MANBA: variants seen among roughly 807,000 people sequenced by gnomAD.
MANBA encodes beta-mannosidase.
A neutral mutation model predicts 111.1 loss-of-function variants in MANBA; 83 were observed. The observed-to-expected ratio is 0.75, with a 90% CI of 0.63 to 0.90. MANBA has a LOEUF of 0.90. Among genes scored for constraint, MANBA ranks in the 40% least tolerant of loss-of-function variants. The pLI is 0.00. For missense variants in MANBA, 1,036 were observed against 1,069.0 expected, an observed-to-expected ratio of 0.97 and a Z score of 0.43; for synonymous variants, 370 against 378.7, an observed-to-expected ratio of 0.98 and a Z score of 0.27.
chr4:102,760,404 T>TG (rs1465910718), intron 1 of MANBA, among the ~76,000 whole-genome samples: 1 of 152,148 alleles, frequency 6.6e-6, no homozygotes, highest in East Asian at 1.9e-4. Flanking sequence ...AGTGACGGCA[T>TG]GCCCTTTGTA....
At chr4:102,644,314 T>C (rs1730007634) in intron 13 of MANBA, among the ~76,000 whole-genome samples, 1 of 152,146 alleles carries the variant, frequency 6.6e-6, no homozygotes, top group Non-Finnish European at 1.5e-5. Context: ...GAAATCAGTA[T>C]GTTGAAGAGA....
intron 1 of MANBA, among the ~76,000 whole-genome samples, chr4:102,741,981 T>A (rs1482266023): frequency 6.6e-6 from 1 of 152,188 alleles, no homozygotes; most frequent in Non-Finnish European, 1.5e-5. Flanking sequence ...CCTGCCCAGA[T>A]TGGGCTGTTG....
At position 102,671,513 on chromosome 4, in the gene MANBA, T is replaced by C. The variant is rs148909542; in HGVS notation, c.1113-115A>G. Reference sequence around the variant, plus strand: ...ACACTCTAAAATCATGATGGTTTGGTTACAATGTAAATTAAAGAAAGTAAG... The same window carrying C: ...ACACTCTAAAATCATGATGGTTTGGCTACAATGTAAATTAAAGAAAGTAAG... On this transcript the variant is annotated intron_variant, in intron 8 of 16. Transcript: ENST00000647097. The C allele has an allele frequency of 2.4e-3, 1,675 of 703,928 alleles. 16 individuals carry two copies. In the African/African-American group the frequency reaches 0.024, roughly 10 times the overall value. The allele number at this position is 703,928 out of a possible 1,614,324, so 43.6% of individuals were successfully genotyped here.
chr4:102,753,591 C>T (rs1036655093), intron 1 of MANBA: 6 of 152,392 alleles, frequency 3.9e-5, no homozygotes, highest in African/African-American at 1.5e-4. Context: ...AATATAGGAA[C>T]TATAAAGATA....
chr4:102,733,206 C>A (rs930086894), intron 1 of MANBA, among the ~76,000 whole-genome samples: 1 of 152,160 alleles, frequency 6.6e-6, no homozygotes, highest in Non-Finnish European at 1.5e-5. Context: ...CCTCAGCAGA[C>A]CAGATCAAAC....
chr4:102,759,987 G>C (rs369117944), intron 1 of MANBA, among the ~76,000 whole-genome samples: 1 of 152,216 alleles, frequency 6.6e-6, no homozygotes, highest in South Asian at 2.1e-4. Context: ...AACAGCAAAA[G>C]CAGTTGGAGG....
At chr4:102,732,936 G>A (rs1208801821) in intron 1 of MANBA, among the ~76,000 whole-genome samples, 2 of 152,162 alleles carry the variant, frequency 1.3e-5, no homozygotes, top group South Asian at 2.1e-4. Flanking sequence ...CACTAAGCCC[G>A]GGGGCTGGCT....
rs758859697 is a variant in MANBA, at chr4:102,634,797, C to A, written c.2406G>T (p.Ala802=). The A allele has an allele frequency of 2.5e-6, 4 of 1,613,626 alleles. No individual in the cohort carries two copies. Among genetic ancestry groups the A allele is most frequent in the Non-Finnish European group, 3.4e-6 (4 of 1,180,038 alleles). ...CATGACCTGTGCTTACAGTGATCTG[C>A]GCCTTGCAGAGCCCCACGGCCTCCT... The part of the protein sequence containing the change: ...SPKEAVGLCK[A]QITAIISQQG... Residue 802 remains alanine, a synonymous_variant, in exon 16 of 17, where the codon GCG becomes GCT. Transcript: ENST00000647097.
At chr4:102,699,964 T>G (rs1311471747) in intron 5 of MANBA, among the ~76,000 whole-genome samples, 2 of 152,126 alleles carry the variant, frequency 1.3e-5, no homozygotes, top group East Asian at 3.8e-4. Context: ...TCTGGTAGAA[T>G]TCAGCTGTAA....
rs1248668575 is a variant in MANBA, at chr4:102,664,869, CAT to C, written c.1318-19_1318-18del. 3 of 1,564,312 alleles carry C rather than the reference CAT, an allele frequency of 1.9e-6. No homozygotes were observed. Among genetic ancestry groups the C allele is most frequent in the Non-Finnish European group, 2.6e-6 (3 of 1,135,144 alleles). On this transcript the variant is annotated intron_variant, in intron 10 of 16. Transcript: ENST00000647097. ...TCTCTTGATCTGAAAATTAAGAAAA[CAT>C]AAAATGATTTTCAAAGAGTTAACAT...
At chr4:102,701,445 T>C (rs1326955809) in intron 5 of MANBA, among the ~76,000 whole-genome samples, 1 of 152,252 alleles carries the variant, frequency 6.6e-6, no homozygotes, top group African/African-American at 2.4e-5. Context: ...ATGCAGTTTC[T>C]TCCTAGTCTC....
intron 14 of MANBA, among the ~76,000 whole-genome samples, chr4:102,636,524 T>C (rs554668721): frequency 6.6e-6 from 1 of 152,328 alleles, no homozygotes; most frequent in South Asian, 2.1e-4. Context: ...AACTTATAGA[T>C]TCTAGGTAGC....
chr4:102,710,681 C>G (rs1328575688), intron 5 of MANBA, among the ~76,000 whole-genome samples: 1 of 151,920 alleles, frequency 6.6e-6, no homozygotes, highest in Non-Finnish European at 1.5e-5. Flanking sequence ...TCATATGGAA[C>G]CAAAAAAGAG....
At chr4:102,661,997 T>C (rs554446676) in intron 11 of MANBA, among the ~76,000 whole-genome samples, 7 of 152,306 alleles carry the variant, frequency 4.6e-5, no homozygotes, top group Admixed American at 1.3e-4. Flanking sequence ...ATACTATTCA[T>C]CTTTGAAAAA....
intron 5 of MANBA, among the ~76,000 whole-genome samples, chr4:102,701,858 G>C (rs750866228): frequency 6.6e-6 from 1 of 151,598 alleles, no homozygotes; most frequent in Non-Finnish European, 1.5e-5. Flanking sequence ...TCTTCTCGAG[G>C]AGTATCTTTG....
chr4:102,714,523 A>G lies in MANBA; in HGVS notation c.588T>C (p.Phe196=). The change falls in exon 5 of 17, where the codon TTT becomes TTC. Residue 196 remains phenylalanine, a synonymous_variant. Coordinates refer to ENST00000647097, the MANE Select transcript of MANBA (RefSeq NM_005908.4). ...CSFSWDWGPS[F]PTQGIWKDVR... is the part of the protein sequence containing the mutation. ...CATCTTTCCAGATTCCCTGGGTAGG[A>G]AAGGAAGGCCCCCAGTCCCAACTAA... is the stretch of plus-strand genomic sequence containing the variant. The G allele has an allele frequency of 6.2e-7, 1 of 1,608,484 alleles. No homozygotes were observed. Among genetic ancestry groups the G allele is most frequent in the Non-Finnish European group, 8.5e-7 (1 of 1,174,868 alleles).
chr4:102,632,047 C>T lies in MANBA; in HGVS notation c.*10G>A, dbSNP rs1729400076. On this transcript the variant is annotated 3_prime_UTR_variant, in exon 17 of 17. Coordinates refer to ENST00000647097, the MANE Select transcript of MANBA (RefSeq NM_005908.4). ...TCCCATTGTCCACTGAAAATACAACCTAGATTCCTTCAGTAAATATCTGTT... is the reference window on the plus strand; with the variant it reads ...TCCCATTGTCCACTGAAAATACAACTTAGATTCCTTCAGTAAATATCTGTT... 6.4e-7 allele frequency: 1 copy of T among 1,572,620 alleles called. No homozygotes were observed. The highest frequency in any genetic ancestry group is 1.7e-5 in the Admixed American group (1 of 59,940).
At chr4:102,756,286 T>A (rs111705968) in intron 1 of MANBA, among the ~76,000 whole-genome samples, 2,674 of 152,234 alleles carry the variant, frequency 0.018, 72 homozygotes, top group African/African-American at 0.054. Context: ...ATGGAATACC[T>A]TGCAGCCATA....
At chr4:102,697,109 G>A (rs1049663572) in intron 5 of MANBA, among the ~76,000 whole-genome samples, 16 of 152,090 alleles carry the variant, frequency 1.1e-4, no homozygotes, top group African/African-American at 3.4e-4. Flanking sequence ...CTAGAACAAG[G>A]ATAAGTTAGT....
Sources: gnomAD v4.1 joint callset for allele counts (sites outside exome capture counted in the v4.1 genomes callset) on GRCh38, gnomAD v4.1.1 for gene constraint, MANE v1.5 for transcripts, NCBI Gene and HGNC (gene_info 2026-07-23, HGNC 2026-07-21) for gene names.